CMKLR1: variants seen among roughly 807,000 people sequenced by gnomAD.
CMKLR1 encodes chemerin chemokine-like receptor 1.
A neutral mutation model predicts 8.2 loss-of-function variants in CMKLR1; 6 were observed. The observed-to-expected ratio is 0.73, with a 90% CI of 0.40 to 1.44. CMKLR1 has a LOEUF of 1.44. Among genes scored for constraint, CMKLR1 ranks in the 40% most tolerant of loss-of-function variants. The pLI is 0.02. For missense variants in CMKLR1, 429 were observed against 478.0 expected (o/e 0.90, Z 0.96); for synonymous variants, 178 against 181.2 (o/e 0.98, Z 0.14).
At chr12:108,323,984 T>C (rs1049304819) in intron 2 of CMKLR1, among the ~76,000 whole-genome samples, 4 of 152,132 alleles carry the variant, frequency 2.6e-5, no homozygotes, top group Non-Finnish European at 5.9e-5. Context: ...ACCAGGGGTC[T>C]ACAGTCCAGC....
intron 2 of CMKLR1, among the ~76,000 whole-genome samples, chr12:108,325,845 A>G (rs1374172152): frequency 6.6e-6 from 1 of 152,168 alleles, no homozygotes; most frequent in Non-Finnish European, 1.5e-5. Context: ...CACTCCCTGA[A>G]CAAGGAGGGG....
At chr12:108,307,510 C>T (rs1891440623) in intron 2 of CMKLR1, among the ~76,000 whole-genome samples, 2 of 152,210 alleles carry the variant, frequency 1.3e-5, no homozygotes, top group Non-Finnish European at 1.5e-5. Context: ...AATCTGCCAG[C>T]GGGTGGGGAG....
At chr12:108,335,025 T>C (rs1306061050) in intron 1 of CMKLR1, among the ~76,000 whole-genome samples, 2 of 152,166 alleles carry the variant, frequency 1.3e-5, no homozygotes, top group African/African-American at 4.8e-5. Flanking sequence ...GTATATTTGA[T>C]GGGAATTACC....
At chr12:108,311,446 C>A (rs1161559519) in intron 2 of CMKLR1, among the ~76,000 whole-genome samples, 1 of 152,136 alleles carries the variant, frequency 6.6e-6, no homozygotes, top group Admixed American at 6.5e-5. Context: ...GAGACCCTGC[C>A]TCTAGGGGAA....
intron 2 of CMKLR1, among the ~76,000 whole-genome samples, chr12:108,318,079 G>A (rs572344437): frequency 6.6e-6 from 1 of 152,324 alleles, no homozygotes; most frequent in African/African-American, 2.4e-5. Flanking sequence ...TAGCTGCATA[G>A]TATTCCATTG....
intron 2 of CMKLR1, among the ~76,000 whole-genome samples, chr12:108,300,626 G>C (rs1891243326): frequency 6.6e-6 from 1 of 152,142 alleles, no homozygotes; most frequent in African/African-American, 2.4e-5. Context: ...CCATCCATCA[G>C]GGCTGGACTA....
At position 108,292,753 on chromosome 12, in the gene CMKLR1, C is replaced by A. The variant is rs1195509857; in HGVS notation, c.210G>T (p.Lys70Asn). ...GGAACCAGACCATGTTCACTGTCTT[C>A]TTCATCTTGAAGGTGGCAATGATGA... The part of the protein sequence containing the change: ...LVIIIATFKM[K>N]KTVNMVWFLN... Residue 70 changes from lysine to asparagine, a missense_variant, in exon 4 of 4, where the codon AAG (lysine) becomes AAT (asparagine). Coordinates refer to ENST00000550402, the MANE Select transcript of CMKLR1 (RefSeq NM_001142343.2). 6.2e-7 allele frequency: 1 copy of A among 1,614,156 alleles called. No homozygotes were observed. Among genetic ancestry groups the A allele is most frequent in the Admixed American group, 1.7e-5 (1 of 60,020 alleles).
chr12:108,329,103 T>C (rs1358232656), intron 2 of CMKLR1, among the ~76,000 whole-genome samples: 2 of 152,222 alleles, frequency 1.3e-5, no homozygotes, highest in African/African-American at 4.8e-5. Context: ...TCAAACTTAA[T>C]TAGCTTCGGG....
At chr12:108,314,942 T>G (rs921363994) in intron 2 of CMKLR1, among the ~76,000 whole-genome samples, 227 of 149,918 alleles carry the variant, frequency 1.5e-3, no homozygotes, top group Non-Finnish European at 2.9e-3. Context: ...TTGTTTTTTT[T>G]TTTTTTTTTT....
chr12:108,317,678 A>G (rs895150935), intron 2 of CMKLR1, among the ~76,000 whole-genome samples: 2 of 152,268 alleles, frequency 1.3e-5, no homozygotes, highest in Admixed American at 1.3e-4. Flanking sequence ...TACTATTCAC[A>G]TAATAACACT....
intron 1 of CMKLR1, among the ~76,000 whole-genome samples, chr12:108,335,944 T>C (rs1481717230): frequency 1.3e-5 from 2 of 152,238 alleles, no homozygotes; most frequent in African/African-American, 4.8e-5. Context: ...TGACTTTCTG[T>C]GGTACTATAA....
At chr12:108,296,487 C>T (rs1220583181) in intron 2 of CMKLR1, among the ~76,000 whole-genome samples, 1 of 152,110 alleles carries the variant, frequency 6.6e-6, no homozygotes, top group African/African-American at 2.4e-5. Flanking sequence ...CCAGTGAGTT[C>T]CTGGCCACTT....
chr12:108,326,298 C>A (rs962412973), intron 2 of CMKLR1, among the ~76,000 whole-genome samples: 2 of 152,218 alleles, frequency 1.3e-5, no homozygotes, highest in African/African-American at 4.8e-5. Context: ...GCCTCCCCTT[C>A]CCTGTGTTTA....
chr12:108,308,981 C>A (rs1891481752), intron 2 of CMKLR1, among the ~76,000 whole-genome samples: 1 of 152,162 alleles, frequency 6.6e-6, no homozygotes, highest in African/African-American at 2.4e-5. Flanking sequence ...ATAAGGAAGA[C>A]AAACACATCT....
intron 2 of CMKLR1, among the ~76,000 whole-genome samples, chr12:108,329,098 C>A (rs1304444170): frequency 6.6e-6 from 1 of 152,350 alleles, no homozygotes; most frequent in South Asian, 2.1e-4. Flanking sequence ...GAATTTCAAA[C>A]TTAATTAGCT....
rs867645188 is a variant in CMKLR1 at position 108,291,763 on chromosome 12, C to A, written c.*78G>T. The stretch of plus-strand genomic sequence containing the variant: ...AAAATTGGTGGATGCTAAAGAGGTT[C>A]TTGCCTTGATCTTCAGAAGACATAT... On this transcript the variant is annotated 3_prime_UTR_variant, in exon 4 of 4. Transcript: ENST00000550402. 31 of 1,430,200 alleles carry A rather than the reference C, an allele frequency of 2.2e-5. 1 individual carries two copies. In the South Asian group the frequency reaches 3.7e-4, roughly 17 times the overall value. 88.6% of individuals were successfully genotyped at this position (1,430,200 alleles called of 1,614,324 possible).
At chr12:108,299,143 A>G (rs17841963) in intron 2 of CMKLR1, among the ~76,000 whole-genome samples, 5,739 of 152,248 alleles carry the variant, frequency 0.038, 335 homozygotes, top group East Asian at 0.23. Context: ...CGGTCTGGAG[A>G]ACACTTTGGG....
chr12:108,292,806 G>T lies in CMKLR1; in HGVS notation c.157C>A (p.Leu53Ile). The T allele has an allele frequency of 6.2e-7, 1 of 1,614,140 alleles. No individual in the cohort carries two copies. Among genetic ancestry groups the T allele is most frequent in the Non-Finnish European group, 8.5e-7 (1 of 1,180,030 alleles). Residue 53 changes from leucine (L) to isoleucine (I), a missense_variant, in exon 4 of 4, where the codon CTC becomes ATC. By Grantham distance (5) the Leu-to-Ile change is conservative. Coordinates refer to ENST00000550402, the MANE Select transcript of CMKLR1 (RefSeq NM_001142343.2). ...ACCAGACCATTGCCCAGAATCCCGA[G>T]GAAGCAGACGATGCTGTAGACCACC... Reference protein sequence around the residue: ...LVVVYSIVCFLGILGNGLVII... With the variant: ...LVVVYSIVCFIGILGNGLVII...
At chr12:108,336,950 C>G (rs904189362) in intron 1 of CMKLR1, among the ~76,000 whole-genome samples, 3 of 152,148 alleles carry the variant, frequency 2.0e-5, no homozygotes, top group African/African-American at 7.2e-5. Context: ...ATCATATTCC[C>G]ATTTTATAGA....
Sources: gnomAD v4.1 joint callset for allele counts (sites outside exome capture counted in the v4.1 genomes callset) on GRCh38, gnomAD v4.1.1 for gene constraint, MANE v1.5 for transcripts, NCBI Gene and HGNC (gene_info 2026-07-23, HGNC 2026-07-21) for gene names.